Variants in SPECC1 observed in about 807,000 individuals in gnomAD.
SPECC1 encodes the protein sperm antigen with calponin homology and coiled-coil domains 1, also known as cytospin-B.
In SPECC1, 62 loss-of-function variants were observed where a neutral mutation model predicts 104.1. That is an observed-to-expected ratio of 0.60 (90% CI 0.49 to 0.74). The LOEUF is 0.74. SPECC1 is among the 30% of genes least tolerant of loss of function. The pLI is 0.00. For missense variants in SPECC1, 1,306 were observed against 1,310.5 expected (o/e 1.00, Z 0.05); for synonymous variants, 513 against 501.6 (o/e 1.02, Z -0.30).
In SPECC1 at chr17:20,191,795, G is replaced by A. The variant is rs1597928697; in HGVS notation, c.284-12538G>A. Among the ~76,000 whole-genome samples the A allele has an allele frequency of 2.6e-5, 4 of 152,052 alleles. No individual in the cohort carries two copies. In the South Asian group the frequency reaches 8.3e-4, roughly 32 times the overall value. On this transcript the variant is annotated intron_variant, in intron 3 of 14. Transcript: ENST00000395527. ...CTTAATGGGATTGCTGGGTCAAATG[G>A]TATTTCTAGTTCTAGATCCATGAGG...
intron 3 of SPECC1, among the ~76,000 whole-genome samples, chr17:20,194,866 AC>A (rs1411395366): frequency 2.6e-5 from 4 of 152,164 alleles, no homozygotes; most frequent in Non-Finnish European, 5.9e-5. Context: ...AAGAATACTC[AC>A]AACTAGTTGC....
At chr17:20,044,308 G>A (rs986735007) in intron 1 of SPECC1, among the ~76,000 whole-genome samples, 10 of 152,196 alleles carry the variant, frequency 6.6e-5, no homozygotes, top group Non-Finnish European at 1.0e-4. Flanking sequence ...TAGTGGTAAA[G>A]TATGGGTATG....
intron 1 of SPECC1, among the ~76,000 whole-genome samples, chr17:20,033,792 A>G (rs1202353300): frequency 1.3e-5 from 2 of 152,202 alleles, no homozygotes; most frequent in Non-Finnish European, 2.9e-5. Flanking sequence ...AAATTTCAAC[A>G]TGAGACTCGG....
chr17:20,237,783 C>A, intron 7 of SPECC1: 1 of 191,178 alleles, frequency 5.2e-6, no homozygotes, highest in Non-Finnish European at 1.1e-5. Flanking sequence ...ACTCTTGTTG[C>A]CCAGGCTAGA....
intron 1 of SPECC1, among the ~76,000 whole-genome samples, chr17:20,083,091 A>G (rs939645582): frequency 2.6e-5 from 4 of 152,130 alleles, no homozygotes; most frequent in African/African-American, 9.7e-5. Flanking sequence ...CACACCAACT[A>G]TATCTGACAC....
chr17:20,115,080 A>G (rs2048691346), intron 3 of SPECC1, among the ~76,000 whole-genome samples: 1 of 152,244 alleles, frequency 6.6e-6, no homozygotes, highest in African/African-American at 2.4e-5. Flanking sequence ...GTGTGTTTAG[A>G]AACTGCAGAT....
chr17:20,097,527 G>A (rs748960627), intron 2 of SPECC1, among the ~76,000 whole-genome samples: 1 of 152,226 alleles, frequency 6.6e-6, no homozygotes, highest in South Asian at 2.1e-4. Flanking sequence ...CAATGCAGAT[G>A]GATTTGAGAT....
At chr17:20,270,921 A>C (rs996775256) in intron 12 of SPECC1, among the ~76,000 whole-genome samples, 5 of 152,152 alleles carry the variant, frequency 3.3e-5, no homozygotes, top group Non-Finnish European at 7.4e-5. Context: ...CATTTCTTTT[A>C]ATTTTTCATT....
At position 20,131,597 on chromosome 17, in the gene SPECC1, T is replaced by C. The variant is rs185662440; in HGVS notation, c.283+21035T>C. 3.5e-3 allele frequency among the ~76,000 whole-genome samples: 526 copies of C among 152,238 alleles called. 2 individuals carry two copies. The highest frequency in any genetic ancestry group is 5.4e-3 in the Admixed American group (83 of 15,280). ...ATAAAAGTGCTAACAGTAGACATCT[T>C]TGTCTTGTTCCTGATCTACGTGGAA... On this transcript the variant is annotated intron_variant, in intron 3 of 14. Coordinates refer to ENST00000395527, the MANE Select transcript of SPECC1 (RefSeq NM_001243439.2).
intron 3 of SPECC1, among the ~76,000 whole-genome samples, chr17:20,202,814 A>C (rs2036521161): frequency 6.6e-6 from 1 of 152,198 alleles, no homozygotes; most frequent in African/African-American, 2.4e-5. Context: ...CAAGTTGTTC[A>C]GGGGTCAACT....
chr17:20,238,183 G>A, intron 7 of SPECC1: 1 of 1,035,972 alleles, frequency 9.7e-7, no homozygotes, highest in Non-Finnish European at 1.2e-6. Context: ...CATAAAGGAT[G>A]TTATTAAGCC....
In SPECC1 at chr17:20,287,732, G is replaced by A. The variant is rs575796028; in HGVS notation, c.2941-9229G>A. Among the ~76,000 whole-genome samples, 3 of 150,830 alleles carry A rather than the reference G, an allele frequency of 2.0e-5. No homozygotes were observed. The South Asian group carries it at 6.3e-4, about 32-fold the overall frequency. ...CTGCTTGGCCTTATGTCTGAGTAAG[G>A]CCTAAGTACACATAGCTTTTTTTTT... On this transcript the variant is annotated intron_variant, in intron 12 of 14. Coordinates refer to ENST00000395527, the MANE Select transcript of SPECC1 (RefSeq NM_001243439.2).
At chr17:20,011,188 A>G (rs1454509823) in intron 1 of SPECC1, among the ~76,000 whole-genome samples, 2 of 152,182 alleles carry the variant, frequency 1.3e-5, no homozygotes, top group African/African-American at 2.4e-5. Context: ...TATGCTCTGG[A>G]ATAGAAGAAT....
rs2042019270 is a variant in SPECC1 at position 20,314,865 on chromosome 17, G to A, written c.*800G>A. The stretch of plus-strand genomic sequence containing the variant: ...CTCACCATCCCTTATTTGATTTATT[G>A]TAGCAAAAGGAAAGCCTGTGAGAAT... On this transcript the variant is annotated 3_prime_UTR_variant, in exon 15 of 15. Transcript: ENST00000395527. The A allele has an allele frequency of 4.3e-6, 1 of 232,202 alleles. No homozygotes were observed. The highest frequency in any genetic ancestry group is 8.5e-6 in the Non-Finnish European group (1 of 117,378). The allele number at this position is 232,202 out of a possible 1,614,324, so 14.4% of individuals were successfully genotyped here.
chr17:20,249,471 T>C (rs1367878032), intron 9 of SPECC1, among the ~76,000 whole-genome samples: 6 of 151,716 alleles, frequency 4.0e-5, no homozygotes, highest in Non-Finnish European at 5.9e-5. Flanking sequence ...TAATACCAAA[T>C]GATGAAAAGC....
intron 3 of SPECC1, among the ~76,000 whole-genome samples, chr17:20,120,199 C>CCCCTTCTTTACTAAAG (rs1465772257): frequency 1.3e-5 from 2 of 152,170 alleles, no homozygotes; most frequent in Non-Finnish European, 2.9e-5. Context: ...GCCTGGCCAA[C>CCCCTTCTTTACTAAAG]ATGGCGAAAC....
Position 20,318,209 on chromosome 17 carries a change from T to TG in SPECC1, c.*4146dup, listed in dbSNP as rs1451024004. 9.5e-5 allele frequency: 22 copies of TG among 231,682 alleles called. No individual in the cohort carries two copies. The highest frequency in any genetic ancestry group is 2.5e-3 in the Middle Eastern group (2 of 800). 14.4% of individuals were successfully genotyped at this position (231,682 alleles called of 1,614,324 possible). The stretch of plus-strand genomic sequence containing the variant: ...TGCAAAATGCAAGCCCCAGTAGAGT[T>TG]GGAGAGTTTTTCAAGGTGAGAAGTC... On this transcript the variant is annotated 3_prime_UTR_variant, in exon 15 of 15. Transcript: ENST00000395527.
chr17:20,117,279 C>T (rs1420586780), intron 3 of SPECC1, among the ~76,000 whole-genome samples: 1 of 152,108 alleles, frequency 6.6e-6, no homozygotes, highest in African/African-American at 2.4e-5. Flanking sequence ...AAAAATGAAA[C>T]TGCAAGACTA....
At chr17:20,158,592 G>A (rs1288906078) in intron 3 of SPECC1, among the ~76,000 whole-genome samples, 1 of 152,204 alleles carries the variant, frequency 6.6e-6, no homozygotes, top group Non-Finnish European at 1.5e-5. Flanking sequence ...TGGGCAGAAA[G>A]GACAGTCCCT....
Sources: allele counts gnomAD v4.1 joint callset (sites outside exome capture counted in the v4.1 genomes callset), GRCh38; gene constraint gnomAD v4.1.1; transcripts MANE v1.5; gene names NCBI Gene and HGNC (gene_info 2026-07-23, HGNC 2026-07-21).